The following QTMAN variants were observed in gnomAD, a reference collection of about 807,000 sequenced individuals.
QTMAN encodes the protein queuosine-tRNA mannosyltransferase.
At chr2:144,315,350 C>G in the QTMAN span, among the ~76,000 whole-genome samples, 1 of 152,152 alleles carries the variant, frequency 6.6e-6, no homozygotes, top group African/African-American at 2.4e-5. Context: ...CCAAGTCACC[C>G]AGTATCATAA....
At chr2:144,114,199 T>C in the QTMAN span, among the ~76,000 whole-genome samples, 1 of 152,228 alleles carries the variant, frequency 6.6e-6, no homozygotes, top group East Asian at 1.9e-4. Context: ...AAAATACTGA[T>C]TGATAAATGA....
At chr2:144,249,584 T>C in the QTMAN span, among the ~76,000 whole-genome samples, 2 of 152,220 alleles carry the variant, frequency 1.3e-5, no homozygotes, top group African/African-American at 4.8e-5. Flanking sequence ...TTAAAGTCTA[T>C]GAATACAATA....
At chr2:144,300,186 A>G in the QTMAN span, among the ~76,000 whole-genome samples, 1 of 152,244 alleles carries the variant, frequency 6.6e-6, no homozygotes, top group Non-Finnish European at 1.5e-5. Flanking sequence ...AAGATGGTAG[A>G]GATGGCTGCA....
chr2:144,313,412 C>G, the QTMAN span, among the ~76,000 whole-genome samples: 1 of 152,110 alleles, frequency 6.6e-6, no homozygotes, highest in Non-Finnish European at 1.5e-5. Flanking sequence ...GTATAATTCC[C>G]CTACATTTAC....
At chr2:144,145,943 G>A in the QTMAN span, 515 of 123,918 alleles carry the variant, frequency 4.2e-3, 3 homozygotes, top group Non-Finnish European at 3.1e-3. Flanking sequence ...TAAAGTCCCC[G>A]AATCTCACTG....
At chr2:144,193,524 A>C in the QTMAN span, among the ~76,000 whole-genome samples, 1 of 147,254 alleles carries the variant, frequency 6.8e-6, no homozygotes, top group Non-Finnish European at 1.5e-5. Flanking sequence ...GTGTGTGTGT[A>C]TGTGTGTGTG....
At chr2:144,067,038 G>A in the QTMAN span, among the ~76,000 whole-genome samples, 1 of 152,040 alleles carries the variant, frequency 6.6e-6, no homozygotes, top group African/African-American at 2.4e-5. Context: ...TCCTGAATTC[G>A]ACCACTTTTC....
chr2:144,327,950 T>G, the QTMAN span, among the ~76,000 whole-genome samples: 2 of 152,032 alleles, frequency 1.3e-5, no homozygotes, highest in Non-Finnish European at 2.9e-5. Context: ...CTCTGGTTAT[T>G]TATTTATTTA....
the QTMAN span, among the ~76,000 whole-genome samples, chr2:144,209,692 C>A: frequency 6.6e-6 from 1 of 152,254 alleles, no homozygotes; most frequent in East Asian, 1.9e-4. Flanking sequence ...AAAAAGATAT[C>A]TATGAACATA....
At chr2:143,957,264 T>G in the QTMAN span, 1 of 1,612,882 alleles carries the variant, frequency 6.2e-7, no homozygotes, top group African/African-American at 1.3e-5. Flanking sequence ...TACTTGGAAA[T>G]AGTCATCTTT....
the QTMAN span, among the ~76,000 whole-genome samples, chr2:144,149,611 A>T: frequency 0.054 from 8,211 of 152,106 alleles, 369 homozygotes; most frequent in African/African-American, 0.12. Flanking sequence ...CCAAAAGTAC[A>T]AGTAAGCTGC....
the QTMAN span, among the ~76,000 whole-genome samples, chr2:144,097,507 G>A: frequency 6.6e-6 from 1 of 152,074 alleles, no homozygotes; most frequent in Non-Finnish European, 1.5e-5. Context: ...TGAGTTTGAA[G>A]TTCCAACTCA....
chr2:143,978,068 T>G, the QTMAN span, among the ~76,000 whole-genome samples: 1 of 152,344 alleles, frequency 6.6e-6, no homozygotes, highest in Non-Finnish European at 1.5e-5. Flanking sequence ...ACAAATCATT[T>G]CACCTTAGCT....
the QTMAN span, among the ~76,000 whole-genome samples, chr2:144,231,190 G>A: frequency 5.3e-5 from 8 of 152,140 alleles, no homozygotes; most frequent in African/African-American, 1.7e-4. Context: ...ATGGTTAAGG[G>A]AAGATTACTC....
the QTMAN span, among the ~76,000 whole-genome samples, chr2:144,142,413 AC>A: frequency 6.6e-6 from 1 of 151,882 alleles, no homozygotes; most frequent in Non-Finnish European, 1.5e-5. Flanking sequence ...TGGCCCAGCT[AC>A]CCATGTTGAA....
chr2:144,055,264 A>C, the QTMAN span, among the ~76,000 whole-genome samples: 1 of 151,674 alleles, frequency 6.6e-6, no homozygotes, highest in Non-Finnish European at 1.5e-5. Context: ...TTTGAAGTCA[A>C]ATACCACCAC....
chr2:144,003,143 C>T, the QTMAN span, among the ~76,000 whole-genome samples: 1 of 151,886 alleles, frequency 6.6e-6, no homozygotes, highest in East Asian at 1.9e-4. Flanking sequence ...GTTTTAATTT[C>T]TAATACAGTA....
chr2:144,092,890 T>TGTGC, the QTMAN span, among the ~76,000 whole-genome samples: 1 of 151,532 alleles, frequency 6.6e-6, no homozygotes, highest in African/African-American at 2.4e-5. Context: ...TGTGTGTGTG[T>TGTGC]GTGTGTGTGT....
At chr2:144,212,260 C>T in the QTMAN span, among the ~76,000 whole-genome samples, 2 of 152,054 alleles carry the variant, frequency 1.3e-5, no homozygotes, top group East Asian at 1.9e-4. Flanking sequence ...GTCAGGAGTT[C>T]GAAACCAGAT....
Sources: gnomAD v4.1 joint callset for allele counts (sites outside exome capture counted in the v4.1 genomes callset) on GRCh38, gnomAD v4.1.1 for gene constraint, MANE v1.5 for transcripts, NCBI Gene and HGNC (gene_info 2026-07-23, HGNC 2026-07-21) for gene names.